The following CCSER1 variants were observed in gnomAD, a reference collection of about 807,000 sequenced individuals.
CCSER1 encodes the protein serine-rich coiled-coil domain-containing protein 1.
Under a neutral mutation model 82.0 loss-of-function variants are expected in CCSER1, and 41 were observed. The ratio of observed to expected loss-of-function variants is 0.50; its 90% confidence interval spans 0.39 to 0.65. The LOEUF (loss-of-function observed/expected upper bound fraction) is 0.65. Ranked by LOEUF, CCSER1 falls within the 30% of genes least tolerant of loss-of-function variation. The probability of loss-of-function intolerance (pLI) is 0.00; values close to 1 mark genes in which losing one functional copy is unlikely to be tolerated. For missense variants in CCSER1, 1,119 were observed against 1,064.2 expected, an observed-to-expected ratio of 1.05 and a Z score of -0.72; for synonymous variants, 414 against 383.9, an observed-to-expected ratio of 1.08 and a Z score of -0.92.
intron 8 of CCSER1, among the ~76,000 whole-genome samples, chr4:90,893,782 T>C (rs1723295127): frequency 1.6e-5 from 2 of 124,758 alleles, no homozygotes. Context: ...TGTGCGTGTG[T>C]GTGTGTGTGT....
intron 5 of CCSER1, among the ~76,000 whole-genome samples, chr4:90,489,775 GT>G (rs969427712): frequency 3.9e-5 from 6 of 151,996 alleles, no homozygotes; most frequent in Middle Eastern, 3.2e-3. Context: ...TGCGGTGTTT[GT>G]TTTTTTGTCC....
chr4:90,687,475 G>A (rs1354277624), intron 6 of CCSER1, among the ~76,000 whole-genome samples: 1 of 151,858 alleles, frequency 6.6e-6, no homozygotes, highest in African/African-American at 2.4e-5. Flanking sequence ...AAAATTGCTG[G>A]GTCATCTGTG....
intron 10 of CCSER1, among the ~76,000 whole-genome samples, chr4:91,098,517 C>T (rs959469517): frequency 6.6e-6 from 1 of 151,918 alleles, no homozygotes; most frequent in African/African-American, 2.4e-5. Flanking sequence ...TCACTCTTTT[C>T]TCTTGCCCAA....
intron 5 of CCSER1, among the ~76,000 whole-genome samples, chr4:90,496,345 A>C (rs1054897810): frequency 6.6e-6 from 1 of 152,224 alleles, no homozygotes; most frequent in African/African-American, 2.4e-5. Flanking sequence ...TTCACTCAAT[A>C]ACATCTGTAT....
chr4:90,200,746 A>AAT (rs1737540105), intron 1 of CCSER1, among the ~76,000 whole-genome samples: 2 of 151,752 alleles, frequency 1.3e-5, no homozygotes, highest in African/African-American at 4.8e-5. Context: ...TAATATACAT[A>AAT]ATGTATATAT....
intron 9 of CCSER1, among the ~76,000 whole-genome samples, chr4:90,948,195 ATTG>A (rs1732486704): frequency 6.6e-6 from 1 of 151,914 alleles, no homozygotes; most frequent in African/African-American, 2.4e-5. Context: ...AATGGTTTTC[ATTG>A]TACAACAATA....
rs556396148 is a variant in CCSER1 at position 90,992,883 on chromosome 4, ACCCAAAT to A, written c.2172+69438_2172+69444del. Among the ~76,000 whole-genome samples the A allele has an allele frequency of 1.6e-4, 24 of 152,126 alleles. 1 individual carries two copies. The South Asian group carries it at 4.8e-3, about 30-fold the overall frequency. On this transcript the variant is annotated intron_variant, in intron 9 of 10. Transcript: ENST00000509176. ...ATCTTATGTAACCATCTAATCATAT[ACCCAAAT>A]CATATCCATTCTATTATTTAGAAGC...
intron 10 of CCSER1, among the ~76,000 whole-genome samples, chr4:91,317,475 T>C (rs909012335): frequency 2.0e-5 from 3 of 151,936 alleles, no homozygotes; most frequent in Non-Finnish European, 4.4e-5. Context: ...CTTCATATAT[T>C]ATGGAAGGGT....
intron 1 of CCSER1, among the ~76,000 whole-genome samples, chr4:90,183,480 C>T (rs1021119769): frequency 2.6e-5 from 4 of 152,028 alleles, no homozygotes; most frequent in South Asian, 2.1e-4. Context: ...TGGGTGGAGT[C>T]CTTTTGATAT....
At chr4:91,193,568 G>A (rs1274940241) in intron 10 of CCSER1, among the ~76,000 whole-genome samples, 1 of 152,054 alleles carries the variant, frequency 6.6e-6, no homozygotes, top group Non-Finnish European at 1.5e-5. Flanking sequence ...TTACTGTAAA[G>A]TACAAAAATA....
intron 10 of CCSER1, among the ~76,000 whole-genome samples, chr4:91,330,930 C>T (rs150725609): frequency 4.9e-4 from 75 of 152,274 alleles, no homozygotes; most frequent in African/African-American, 1.6e-3. Context: ...AATTCTTGTG[C>T]TGTCTGGCTT....
chr4:91,028,357 A>G (rs1399248747), intron 9 of CCSER1, among the ~76,000 whole-genome samples: 2 of 151,954 alleles, frequency 1.3e-5, no homozygotes, highest in Non-Finnish European at 2.9e-5. Context: ...ATGAGATCAA[A>G]TCATATGTTC....
intron 5 of CCSER1, among the ~76,000 whole-genome samples, chr4:90,483,707 C>G (rs1046778642): frequency 1.3e-5 from 2 of 152,332 alleles, no homozygotes; most frequent in East Asian, 1.9e-4. Flanking sequence ...GGCCCCCACT[C>G]TCTTCTGGCT....
At chr4:91,596,989 TAGAAA>T (rs1485151956) in intron 10 of CCSER1, among the ~76,000 whole-genome samples, 5 of 151,988 alleles carry the variant, frequency 3.3e-5, no homozygotes, top group African/African-American at 1.2e-4. Context: ...CTTTGTTTTG[TAGAAA>T]AGAAAAGGAG....
chr4:91,303,672 G>C (rs1744835555), intron 10 of CCSER1, among the ~76,000 whole-genome samples: 1 of 151,890 alleles, frequency 6.6e-6, no homozygotes, highest in South Asian at 2.1e-4. Context: ...GTGCATGCCT[G>C]TAATCCAGGT....
At chr4:90,879,728 T>C (rs551495770) in intron 8 of CCSER1, among the ~76,000 whole-genome samples, 49 of 152,164 alleles carry the variant, frequency 3.2e-4, no homozygotes, top group African/African-American at 1.1e-3. Flanking sequence ...AGAACTCTTA[T>C]TGGAGAACTG....
chr4:91,410,315 A>AT (rs372876272), intron 10 of CCSER1, among the ~76,000 whole-genome samples: 6,387 of 151,350 alleles, frequency 0.042, 159 homozygotes, highest in African/African-American at 0.076. Flanking sequence ...TCTTTCCATC[A>AT]TTTTTTTTTA....
intron 6 of CCSER1, among the ~76,000 whole-genome samples, chr4:90,684,129 AGTT>A (rs1292979101): frequency 4.6e-5 from 7 of 152,184 alleles, no homozygotes; most frequent in Non-Finnish European, 7.4e-5. Flanking sequence ...AAATTAGAAA[AGTT>A]GTTATCATAG....
intron 3 of CCSER1, among the ~76,000 whole-genome samples, chr4:90,346,604 T>C (rs1480555833): frequency 6.6e-6 from 1 of 152,102 alleles, no homozygotes; most frequent in African/African-American, 2.4e-5. Context: ...TTTAGAGTAC[T>C]TGATGAAATT....
Sources: allele counts gnomAD v4.1 joint callset (sites outside exome capture counted in the v4.1 genomes callset), GRCh38; gene constraint gnomAD v4.1.1; transcripts MANE v1.5; gene names NCBI Gene and HGNC (gene_info 2026-07-23, HGNC 2026-07-21).